The following CDH18 variants were observed in gnomAD, a reference collection of about 807,000 sequenced individuals.
CDH18 encodes the protein cadherin-18.
CDH18 carries 31 observed loss-of-function variants against 67.9 expected under a neutral mutation model. The ratio of observed to expected loss-of-function variants is 0.46; its 90% CI spans 0.34 to 0.62. The LOEUF (loss-of-function observed/expected upper bound fraction) is 0.62, where lower values mean the gene tolerates loss of function less well. CDH18 is among the 20% of genes least tolerant of loss of function. The pLI is 0.01. For missense variants in CDH18, 890 were observed against 975.5 expected (o/e 0.91, Z 1.17); for synonymous variants, 362 against 347.2 (o/e 1.04, Z -0.48).
At chr5:19,866,411 T>G (rs1366163028) in intron 2 of CDH18, among the ~76,000 whole-genome samples, 3 of 152,090 alleles carry the variant, frequency 2.0e-5, no homozygotes, top group Admixed American at 6.6e-5. Context: ...CACAAGAAAG[T>G]GAAGCATCAA....
At chr5:20,451,208 T>A (rs1750421275) in intron 1 of CDH18, among the ~76,000 whole-genome samples, 1 of 152,204 alleles carries the variant, frequency 6.6e-6, no homozygotes, top group African/African-American at 2.4e-5. Context: ...TCTTTTTTCA[T>A]CAATGTTCCA....
intron 1 of CDH18, among the ~76,000 whole-genome samples, chr5:20,519,904 T>TC (rs1230196213): frequency 1.7e-4 from 26 of 149,878 alleles, no homozygotes; most frequent in African/African-American, 6.4e-4. Context: ...GACAGGGTTT[T>TC]CCTCTGTCAC....
At chr5:20,044,136 A>T (rs1740696282) in intron 2 of CDH18, among the ~76,000 whole-genome samples, 1 of 150,928 alleles carries the variant, frequency 6.6e-6, no homozygotes, top group African/African-American at 2.4e-5. Flanking sequence ...TGTATTTTAC[A>T]GTGGTGATTT....
intron 5 of CDH18, among the ~76,000 whole-genome samples, chr5:19,652,010 G>A (rs1244690944): frequency 6.6e-6 from 1 of 151,796 alleles, no homozygotes; most frequent in African/African-American, 2.4e-5. Flanking sequence ...AATGATTAAC[G>A]ATTCATAGCT....
intron 8 of CDH18, among the ~76,000 whole-genome samples, chr5:19,544,956 T>A (rs1736065300): frequency 6.6e-6 from 1 of 152,082 alleles, no homozygotes; most frequent in Admixed American, 6.6e-5. Context: ...CACCGACACA[T>A]GCAGTGTAGT....
chr5:19,738,960 TC>T lies in CDH18; in HGVS notation c.523+7981del, dbSNP rs1768732194. 2.0e-5 allele frequency among the ~76,000 whole-genome samples: 3 copies of T among 152,112 alleles called. No homozygotes were observed. The South Asian group carries it at 6.2e-4, about 31-fold the overall frequency. On this transcript the variant is annotated intron_variant, in intron 4 of 12. Transcript: ENST00000382275. ...GAATCACTTGAAGAGTAAAATGCAA[TC>T]TAGTAAATCACATCAATCATTGAAT...
intron 2 of CDH18, among the ~76,000 whole-genome samples, chr5:19,945,521 G>A (rs1165523000): frequency 6.6e-6 from 1 of 152,046 alleles, no homozygotes; most frequent in African/African-American, 2.4e-5. Flanking sequence ...TGATGAGAAA[G>A]ACAATCAACT....
At chr5:19,700,464 G>C (rs966762533) in intron 5 of CDH18, among the ~76,000 whole-genome samples, 76 of 152,166 alleles carry the variant, frequency 5.0e-4, no homozygotes, top group Non-Finnish European at 8.1e-4. Context: ...TACAAACAGT[G>C]TTTGGGGAGA....
chr5:20,190,180 G>A (rs368304719), intron 2 of CDH18, among the ~76,000 whole-genome samples: 3 of 152,096 alleles, frequency 2.0e-5, no homozygotes, highest in African/African-American at 7.2e-5. Context: ...AATACCAATA[G>A]TGCTGAGCTC....
chr5:20,438,555 A>G (rs1478138811), intron 1 of CDH18, among the ~76,000 whole-genome samples: 1 of 151,368 alleles, frequency 6.6e-6, no homozygotes, highest in Non-Finnish European at 1.5e-5. Flanking sequence ...ATGTAAATGT[A>G]TTACAAACCA....
intron 1 of CDH18, among the ~76,000 whole-genome samples, chr5:20,558,865 C>A (rs1758054221): frequency 2.0e-5 from 3 of 151,708 alleles, no homozygotes; most frequent in Admixed American, 1.3e-4. Flanking sequence ...CAGGGATTCA[C>A]AAAACACATG....
intron 2 of CDH18, among the ~76,000 whole-genome samples, chr5:19,944,557 G>A (rs1285153886): frequency 6.6e-6 from 1 of 152,078 alleles, no homozygotes; most frequent in African/African-American, 2.4e-5. Context: ...CTTTATGATA[G>A]TAGTTTCTGT....
chr5:19,972,761 T>G (rs1206698543), intron 2 of CDH18, among the ~76,000 whole-genome samples: 1 of 151,992 alleles, frequency 6.6e-6, no homozygotes, highest in East Asian at 1.9e-4. Context: ...ACATAACAAT[T>G]CTACTTACAA....
At chr5:20,316,454 T>G (rs1394006332) in intron 1 of CDH18, among the ~76,000 whole-genome samples, 1 of 152,088 alleles carries the variant, frequency 6.6e-6, no homozygotes, top group Non-Finnish European at 1.5e-5. Flanking sequence ...GATGATCTTC[T>G]TAAAAATATA....
intron 1 of CDH18, among the ~76,000 whole-genome samples, chr5:20,339,669 C>G (rs1025689365): frequency 2.6e-5 from 4 of 152,110 alleles, no homozygotes; most frequent in African/African-American, 7.2e-5. Context: ...CTTACTCATG[C>G]CCCTAGAAAA....
At position 19,907,293 on chromosome 5, in the gene CDH18, A is replaced by G. The variant is rs1790645410; in HGVS notation, c.-256-68051T>C. ...TCATAGTATAGGTTGAGTATCTCGTATTTACAATGCTTGGGACAAAAGTGT... is the reference window on the plus strand; with the variant it reads ...TCATAGTATAGGTTGAGTATCTCGTGTTTACAATGCTTGGGACAAAAGTGT... On this transcript the variant is annotated intron_variant, in intron 2 of 12. Coordinates refer to ENST00000382275, the MANE Select transcript of CDH18 (RefSeq NM_004934.5). Among the ~76,000 whole-genome samples the G allele has an allele frequency of 2.6e-5, 4 of 151,960 alleles. No homozygotes were observed. In the South Asian group the frequency reaches 8.3e-4, roughly 31 times the overall value.
chr5:20,062,991 C>CTTT (rs5866413), intron 2 of CDH18, among the ~76,000 whole-genome samples: 13 of 139,118 alleles, frequency 9.3e-5, no homozygotes, highest in East Asian at 4.1e-4. Context: ...TTTTTTCTTT[C>CTTT]TTTTTTTTTT....
chr5:20,492,533 A>C (rs1753655928), intron 1 of CDH18, among the ~76,000 whole-genome samples: 1 of 152,200 alleles, frequency 6.6e-6, no homozygotes, highest in South Asian at 2.1e-4. Flanking sequence ...CAAATGTTAT[A>C]CATATGAAAT....
In CDH18 at chr5:20,529,269, A is replaced by G. The variant is rs535044815; in HGVS notation, c.-580+46193T>C. On this transcript the variant is annotated intron_variant, in intron 1 of 14. Coordinates refer to the CDH18 transcript ENST00000507958. ...AGTAATAAATAGCCTACCAATGGGG[A>G]AAAAAAAAAAGCCCAGAACCAGATG... Among the ~76,000 whole-genome samples, 85 of 131,678 alleles carry G rather than the reference A, an allele frequency of 6.5e-4. 1 individual carries two copies. The highest frequency in any genetic ancestry group is 1.3e-3 in the African/African-American group (34 of 26,768). The allele number at this position is 131,678 out of a possible 152,430, so 86.4% of individuals were successfully genotyped here. A position where few individuals can be genotyped will look rare whatever the true frequency, so the allele number is the denominator to read the frequency against.
Sources: allele counts gnomAD v4.1 joint callset (sites outside exome capture counted in the v4.1 genomes callset), GRCh38; gene constraint gnomAD v4.1.1; transcripts MANE v1.5; gene names NCBI Gene and HGNC (gene_info 2026-07-23, HGNC 2026-07-21).